The following THRB variants were observed in gnomAD, a reference collection of about 807,000 sequenced individuals.
THRB encodes thyroid hormone receptor beta.
THRB carries 12 observed loss-of-function variants against 47.8 expected under a neutral mutation model. The observed-to-expected ratio is 0.25, with a 90% CI of 0.16 to 0.41. THRB has a LOEUF of 0.41. Among genes scored for constraint, THRB ranks in the 10% least tolerant of loss-of-function variants. The pLI is 1.00. For synonymous variants in THRB, 218 were observed against 212.2 expected, an observed-to-expected ratio of 1.03 and a Z score of -0.24; for missense variants, 348 against 589.2, an observed-to-expected ratio of 0.59 and a Z score of 4.24.
chr3:24,303,101 A>G lies in THRB; in HGVS notation c.-188-5730T>C, dbSNP rs557609518. 5.9e-5 allele frequency among the ~76,000 whole-genome samples: 9 copies of G among 152,356 alleles called. No homozygotes were observed. In the South Asian group the frequency reaches 1.2e-3, roughly 21 times the overall value. The stretch of plus-strand genomic sequence containing the variant: ...TATGCCAGTTACATCTTGGCCAACT[A>G]AAATCACAGGGACCCCTGAAACAAA... On this transcript the variant is annotated intron_variant, in intron 2 of 10. Coordinates refer to ENST00000646209, the MANE Select transcript of THRB (RefSeq NM_001354712.2).
At chr3:24,299,103 C>T (rs1003905586) in intron 2 of THRB, among the ~76,000 whole-genome samples, 1 of 151,646 alleles carries the variant, frequency 6.6e-6, no homozygotes, top group African/African-American at 2.4e-5. Flanking sequence ...AAAAAATTAG[C>T]TGGGCGTGGT....
intron 1 of THRB, among the ~76,000 whole-genome samples, chr3:24,384,545 C>T (rs1271068950): frequency 1.3e-5 from 2 of 152,058 alleles, no homozygotes; most frequent in African/African-American, 4.8e-5. Context: ...CTATGACCAC[C>T]TTTAGAGGAC....
intron 8 of THRB, 33 bp downstream of exon 8, chr3:24,143,468 T>C: frequency 6.2e-7 from 1 of 1,602,898 alleles, no homozygotes; most frequent in Non-Finnish European, 8.5e-7. Flanking sequence ...CACTGGCATA[T>C]AAGTGAAACT....
chr3:24,284,742 A>C lies in THRB; in HGVS notation c.-43+12484T>G, dbSNP rs564462290. Among the ~76,000 whole-genome samples, 185 of 149,878 alleles carry C rather than the reference A, an allele frequency of 1.2e-3. 16 individuals carry two copies. The highest frequency in any genetic ancestry group is 4.6e-3 in the African/African-American group (179 of 39,230). ...ACTCAAACAGATTTACAAGAAAAAA[A>C]CAAACAACCCCATCAAAAAGTGGGC... On this transcript the variant is annotated intron_variant, in intron 3 of 10. Transcript: ENST00000646209.
At chr3:24,179,839 A>G (rs1273229301) in intron 5 of THRB, among the ~76,000 whole-genome samples, 1 of 152,244 alleles carries the variant, frequency 6.6e-6, no homozygotes. Flanking sequence ...TCTTAAAAAA[A>G]TCATAGAACG....
At chr3:24,201,162 G>A (rs1357560652) in intron 4 of THRB, among the ~76,000 whole-genome samples, 2 of 152,016 alleles carry the variant, frequency 1.3e-5, no homozygotes, top group East Asian at 3.9e-4. Context: ...AGAGAAGCAG[G>A]TAGGGTTTTG....
chr3:24,134,393 C>T (rs2034331111), intron 8 of THRB, among the ~76,000 whole-genome samples: 1 of 152,168 alleles, frequency 6.6e-6, no homozygotes, highest in South Asian at 2.1e-4. Flanking sequence ...ACTTCTCCTC[C>T]TTGTCTTTGT....
intron 9 of THRB, among the ~76,000 whole-genome samples, chr3:24,132,987 G>A (rs2034103365): frequency 6.6e-6 from 1 of 152,122 alleles, no homozygotes. Flanking sequence ...ATTGAATGTG[G>A]GCAAACCTGA....
intron 1 of THRB, among the ~76,000 whole-genome samples, chr3:24,398,531 C>T (rs1381922152): frequency 2.0e-5 from 3 of 152,100 alleles, no homozygotes; most frequent in African/African-American, 4.8e-5. Flanking sequence ...CAATGAGATA[C>T]CATCTCACAC....
chr3:24,365,245 C>T (rs913400668), intron 1 of THRB, among the ~76,000 whole-genome samples: 43 of 152,104 alleles, frequency 2.8e-4, no homozygotes, highest in African/African-American at 1.0e-3. Context: ...AAGTTTACCC[C>T]CCTACCAACT....
At chr3:24,306,627 G>C (rs1559885330) in intron 2 of THRB, among the ~76,000 whole-genome samples, 1 of 151,954 alleles carries the variant, frequency 6.6e-6, no homozygotes, top group Non-Finnish European at 1.5e-5. Flanking sequence ...GCTGATCTCA[G>C]GTTTTTTTTT....
intron 1 of THRB, among the ~76,000 whole-genome samples, chr3:24,357,830 T>G (rs1033141057): frequency 4.6e-5 from 7 of 152,188 alleles, no homozygotes; most frequent in Admixed American, 1.3e-4. Flanking sequence ...ATTTTAACAA[T>G]GTGCGTCTTT....
At chr3:24,133,103 T>C (rs2034118721) in intron 9 of THRB, among the ~76,000 whole-genome samples, 1 of 152,218 alleles carries the variant, frequency 6.6e-6, no homozygotes, top group African/African-American at 2.4e-5. Flanking sequence ...AGGATCTTGA[T>C]GGGCCTTACA....
At chr3:24,318,601 G>A (rs2058279529) in intron 2 of THRB, 1 of 152,162 alleles carries the variant, frequency 6.6e-6, no homozygotes, top group Non-Finnish European at 1.5e-5. Flanking sequence ...AAAAAGAGGG[G>A]GACTGTGTCT....
intron 2 of THRB, among the ~76,000 whole-genome samples, chr3:24,327,259 C>T (rs535149812): frequency 1.3e-5 from 2 of 151,544 alleles, no homozygotes; most frequent in East Asian, 3.9e-4. Flanking sequence ...GCTCAGGGAC[C>T]CCCCCCACCG....
At chr3:24,454,687 ATCTC>A (rs1053075515) in intron 1 of THRB, among the ~76,000 whole-genome samples, 1 of 152,238 alleles carries the variant, frequency 6.6e-6, no homozygotes, top group East Asian at 1.9e-4. Context: ...AGAATTTATA[ATCTC>A]TCTCTCTTCT....
At chr3:24,481,229 G>GTTTTGTTTTTTTTTTTTT (rs1696316795) in intron 1 of THRB, among the ~76,000 whole-genome samples, 1 of 55,380 alleles carries the variant, frequency 1.8e-5, no homozygotes, top group African/African-American at 7.7e-5. Flanking sequence ...GTTTCTTTCT[G>GTTTTGTTTTTTTTTTTTT]TTTTTTTTTT....
chr3:24,369,350 A>C (rs932762620), intron 1 of THRB, among the ~76,000 whole-genome samples: 3 of 152,158 alleles, frequency 2.0e-5, no homozygotes, highest in African/African-American at 7.2e-5. Context: ...CAGAAAATTA[A>C]GATTTAACAA....
chr3:24,126,030 C>A (rs2032721750), intron 10 of THRB, among the ~76,000 whole-genome samples: 2 of 152,224 alleles, frequency 1.3e-5, no homozygotes, highest in South Asian at 4.1e-4. Flanking sequence ...AGAATTATTT[C>A]TTTCTTTTTT....
Sources: gnomAD v4.1 joint callset for allele counts (sites outside exome capture counted in the v4.1 genomes callset) on GRCh38, gnomAD v4.1.1 for gene constraint, MANE v1.5 for transcripts, NCBI Gene and HGNC (gene_info 2026-07-23, HGNC 2026-07-21) for gene names.